FBN3: variants seen among roughly 807,000 people sequenced by gnomAD.
FBN3 encodes fibrillin-3.
In FBN3, 234 loss-of-function variants were observed where a neutral mutation model predicts 330.1. That is an observed-to-expected ratio of 0.71 (90% CI 0.64 to 0.79). The LOEUF (loss-of-function observed/expected upper bound fraction) is 0.79, where lower values mean the gene tolerates loss of function less well. Among genes scored for constraint, FBN3 ranks in the 30% least tolerant of loss-of-function variants. The pLI is 0.00. For synonymous variants in FBN3, 1,458 were observed against 1,517.3 expected, an observed-to-expected ratio of 0.96 and a Z score of 0.91; for missense variants, 3,606 against 3,886.9, an observed-to-expected ratio of 0.93 and a Z score of 1.92.
At chr19:8,081,141 A>G in intron 58 of FBN3, 22 bp from the exon 59 acceptor site, 1 of 1,602,438 alleles carries the variant, frequency 6.2e-7, no homozygotes, top group Non-Finnish European at 8.5e-7. Context: ...ATGGTCCAGC[A>G]GGCTCAGGGC....
rs775939841 is a variant in FBN3 at position 8,138,133 on chromosome 19, G to A, written c.1201+8C>T. The A allele has an allele frequency of 1.2e-6, 2 of 1,604,762 alleles. No individual in the cohort carries two copies. Among genetic ancestry groups the A allele is most frequent in the South Asian group, 1.1e-5 (1 of 89,692 alleles). ...CTTGGAATGTTCCTCCCAAGCCCCA[G>A]GCCTCACCAATATTAGAGTTGCCAG... On this transcript the variant is annotated splice_region_variant and intron_variant, in intron 10 of 63. Coordinates refer to ENST00000600128, the MANE Select transcript of FBN3 (RefSeq NM_032447.5).
At chr19:8,095,287 G>A in intron 46 of FBN3, 88 bp downstream of exon 46, 2 of 1,369,020 alleles carry the variant, frequency 1.5e-6, no homozygotes, top group Non-Finnish European at 2.0e-6. Context: ...GTAGTAAATG[G>A]ATCTATGCTC....
intron 25 of FBN3, among the ~76,000 whole-genome samples, chr19:8,119,350 C>T (rs1438882360): frequency 6.6e-6 from 1 of 152,174 alleles, no homozygotes; most frequent in Non-Finnish European, 1.5e-5. Context: ...TCAGTCCCGC[C>T]AGGACTCAGG....
At position 8,086,360 on chromosome 19, in the gene FBN3, G is replaced by A. The variant is rs774661146; in HGVS notation, c.6755-35C>T. The stretch of plus-strand genomic sequence containing the variant: ...GAGGGGTGAGGCAGGTGGGCGGGGA[G>A]GCCACAGGCAGCCAGCCTCTCCCAC... On this transcript the variant is annotated intron_variant, in intron 54 of 63. Coordinates refer to ENST00000600128, the MANE Select transcript of FBN3 (RefSeq NM_032447.5). 1.3e-5 allele frequency: 21 copies of A among 1,557,924 alleles called. 1 individual carries two copies. Among genetic ancestry groups the A allele is most frequent in the Middle Eastern group, 1.7e-4 (1 of 5,856 alleles).
At chr19:8,126,399 C>A in intron 20 of FBN3, 52 bp from the exon 21 acceptor site, 1 of 1,585,892 alleles carries the variant, frequency 6.3e-7, no homozygotes, top group Admixed American at 1.9e-5. Flanking sequence ...TCATGCCAGC[C>A]CAAGGGGGGA....
intron 16 of FBN3, among the ~76,000 whole-genome samples, chr19:8,130,624 G>GGA (rs1473292789): frequency 7.2e-5 from 1 of 13,954 alleles, no homozygotes; most frequent in Admixed American, 5.3e-4. Context: ...AAGAAAGAAA[G>GGA]AAAGAAAGAA....
At chr19:8,110,108 T>A (rs969360092) in intron 34 of FBN3, among the ~76,000 whole-genome samples, 11 of 152,160 alleles carry the variant, frequency 7.2e-5, no homozygotes, top group Non-Finnish European at 1.6e-4. Context: ...CAGGCTGGAG[T>A]GCAGTTGCAC....
chr19:8,083,515 C>T (rs1283124375), intron 56 of FBN3, 143 bp from the exon 57 acceptor site: 4 of 944,306 alleles, frequency 4.2e-6, no homozygotes, highest in East Asian at 2.6e-5. Context: ...CCCCAGCCCA[C>T]GTGGACCCCA....
intron 59 of FBN3, among the ~76,000 whole-genome samples, chr19:8,075,688 G>A (rs1369743118): frequency 1.3e-5 from 2 of 152,232 alleles, no homozygotes; most frequent in East Asian, 3.8e-4. Context: ...GTCCTCAGCT[G>A]TATATGGAGA....
intron 13 of FBN3, among the ~76,000 whole-genome samples, chr19:8,134,717 T>C (rs1252304703): frequency 6.6e-6 from 1 of 151,944 alleles, no homozygotes; most frequent in Admixed American, 6.6e-5. Flanking sequence ...GCGGATCACC[T>C]GAGGTCAGGA....
At position 8,070,658 on chromosome 19, in the gene FBN3, A is replaced by C. The variant is rs140874050; in HGVS notation, c.8088+1390T>G. 2.5e-3 allele frequency among the ~76,000 whole-genome samples: 375 copies of C among 152,330 alleles called. 1 individual carries two copies. Among genetic ancestry groups the C allele is most frequent in the African/African-American group, 8.8e-3 (367 of 41,572 alleles). On this transcript the variant is annotated intron_variant, in intron 63 of 63. Transcript: ENST00000600128. ...ATGGAATCTCTGAACCACCACGTTC[A>C]AGTTCTGTAACTTGGGCATGTGCCC... is the stretch of plus-strand genomic sequence containing the variant.
At position 8,142,044 on chromosome 19, in the gene FBN3, G is replaced by A; in HGVS notation, c.635C>T (p.Ala212Val). Residue 212 changes from alanine to valine, a missense_variant, in exon 7 of 64, where the codon GCC (alanine) becomes GTC (valine). Coordinates refer to ENST00000600128, the MANE Select transcript of FBN3 (RefSeq NM_032447.5). ...AAGGCCCCAGGCACGGCCCACAGTG[G>A]CACAGCAAAGTGCCTTGGTGCACAC... is the stretch of plus-strand genomic sequence containing the variant. ...GLVCTKALCC[A>V]TVGRAWGLPC... is the part of the protein sequence containing the mutation. 3 of 1,614,154 alleles carry A rather than the reference G, an allele frequency of 1.9e-6. No homozygotes were observed. Among genetic ancestry groups the A allele is most frequent in the Non-Finnish European group, 2.5e-6 (3 of 1,180,014 alleles).
chr19:8,118,068 TG>T (rs374641142), intron 26 of FBN3, among the ~76,000 whole-genome samples: 144 of 151,106 alleles, frequency 9.5e-4, no homozygotes, highest in African/African-American at 3.0e-3. Context: ...CACACACCCA[TG>T]TGCACACTCA....
Position 8,109,435 on chromosome 19 carries a change from G to A in FBN3, c.4457-47C>T, listed in dbSNP as rs2082527045. The A allele has an allele frequency of 5.6e-6, 9 of 1,604,858 alleles. No homozygotes were observed. Among genetic ancestry groups the A allele is most frequent in the Non-Finnish European group, 7.7e-6 (9 of 1,172,822 alleles). On this transcript the variant is annotated intron_variant, in intron 35 of 63. Transcript: ENST00000600128. This position sits in a 1 kb window ranked among gnomAD's most constrained non-coding sequence, Gnocchi z 5.2. ...GTTAGTAGGTGTCAGAGGGAAAGCT[G>A]TATGTGTGCGTGTGCATGCATGTGT... is the stretch of plus-strand genomic sequence containing the variant.
Position 8,109,470 on chromosome 19 carries a change from C to T in FBN3, c.4457-82G>A. Reference sequence around the variant, plus strand: ...GTGTGCATGCATGTGTCTATTTCAACAGGTGACAAGGACAACCACTCTTGC... The same window carrying T: ...GTGTGCATGCATGTGTCTATTTCAATAGGTGACAAGGACAACCACTCTTGC... On this transcript the variant is annotated intron_variant, in intron 35 of 63. Coordinates refer to ENST00000600128, the MANE Select transcript of FBN3 (RefSeq NM_032447.5). This position sits in a 1 kb window ranked among gnomAD's most constrained non-coding sequence, Gnocchi z 5.2. 6.4e-7 allele frequency: 1 copy of T among 1,565,612 alleles called. No individual in the cohort carries two copies.
intron 47 of FBN3, among the ~76,000 whole-genome samples, chr19:8,092,847 A>T (rs2082127107): frequency 6.6e-6 from 1 of 151,868 alleles, no homozygotes; most frequent in Non-Finnish European, 1.5e-5. Context: ...TATAAGTGGG[A>T]GCTAATCTAT....
intron 63 of FBN3, among the ~76,000 whole-genome samples, chr19:8,066,828 G>A (rs1185515477): frequency 1.3e-5 from 2 of 152,070 alleles, no homozygotes; most frequent in African/African-American, 4.8e-5. Flanking sequence ...GCAGTGAGCT[G>A]AGATCACGCT....
chr19:8,095,477 C>T lies in FBN3; in HGVS notation c.5683G>A (p.Gly1895Arg). ...CAATGGCCAAATCGGCACACCTGCC[C>T]CACCAGGGTAGTACACTCATCAAAA... ...VDFDECTTLV[G>R]QVCRFGHCLN... The change falls in exon 46 of 64, where the codon GGG becomes AGG. Residue 1895 changes from glycine to arginine, a missense_variant. Physicochemically the swap from Gly to Arg is moderately radical, Grantham distance 125. Transcript: ENST00000600128. The T allele has an allele frequency of 6.2e-7, 1 of 1,613,758 alleles. No individual in the cohort carries two copies. The highest frequency in any genetic ancestry group is 2.2e-5 in the East Asian group (1 of 44,840).
At chr19:8,128,293 G>C (rs2083042282) in intron 18 of FBN3, among the ~76,000 whole-genome samples, 1 of 152,200 alleles carries the variant, frequency 6.6e-6, no homozygotes, top group African/African-American at 2.4e-5. Flanking sequence ...GCCAGGTGTA[G>C]TGGCTCGCGC....
Sources: gnomAD v4.1 joint callset for allele counts (sites outside exome capture counted in the v4.1 genomes callset) on GRCh38, gnomAD v4.1.1 for gene constraint, Gnocchi (gnomAD v3.1) non-coding constraint, MANE v1.5 for transcripts, NCBI Gene and HGNC (gene_info 2026-07-23, HGNC 2026-07-21) for gene names.